The following OR51B5 variants were observed in gnomAD, a reference collection of about 807,000 sequenced individuals.
The protein encoded by OR51B5 is olfactory receptor 51B5.
For missense variants in OR51B5, 456 were observed against 374.6 expected, an observed-to-expected ratio of 1.22 and a Z score of -1.79; for synonymous variants, 186 against 144.8, an observed-to-expected ratio of 1.28 and a Z score of -2.04.
At chr11:5,397,445 A>G (rs7926869) in intron 1 of OR51B5, among the ~76,000 whole-genome samples, 54,438 of 150,792 alleles carry the variant, frequency 0.36, 9,617 homozygotes, top group South Asian at 0.41. Flanking sequence ...AAGACACATG[A>G]AAAAATGCTC....
intron 1 of OR51B5, among the ~76,000 whole-genome samples, chr11:5,417,660 A>G (rs1405165852): frequency 6.6e-6 from 1 of 151,950 alleles, no homozygotes; most frequent in Non-Finnish European, 1.5e-5. Context: ...GCAGCCAAAA[A>G]ACACATGAAA....
chr11:5,384,000 GA>G, intron 1 of OR51B5: 1 of 152,298 alleles, frequency 6.6e-6, no homozygotes, highest in Non-Finnish European at 1.5e-5. Context: ...GAAAATGAGG[GA>G]AAATGGGAAT....
At chr11:5,363,281 A>G (rs1347363685) in intron 1 of OR51B5, among the ~76,000 whole-genome samples, 2 of 116,540 alleles carry the variant, frequency 1.7e-5, no homozygotes, top group Non-Finnish European at 3.9e-5. Context: ...ACACACACAC[A>G]CACACCGGTG....
intron 1 of OR51B5, chr11:5,489,088 G>T (rs762866652): frequency 6.2e-7 from 1 of 1,613,928 alleles, no homozygotes; most frequent in African/African-American, 1.3e-5. Context: ...TAGGTATGTG[G>T]CTATCTGTAA....
At chr11:5,473,637 T>C (rs1851262354) in intron 1 of OR51B5, among the ~76,000 whole-genome samples, 1 of 152,194 alleles carries the variant, frequency 6.6e-6, no homozygotes, top group Admixed American at 6.5e-5. Context: ...CATTTTATCA[T>C]ACTTGAAAGC....
At chr11:5,503,469 G>T (rs1180461813) in intron 1 of OR51B5, among the ~76,000 whole-genome samples, 5 of 152,134 alleles carry the variant, frequency 3.3e-5, no homozygotes, top group Admixed American at 2.6e-4. Flanking sequence ...ATTTTAAAAG[G>T]AAAGACTGCC....
chr11:5,388,715 CGT>C (rs200737360), intron 1 of OR51B5, among the ~76,000 whole-genome samples: 3,569 of 151,798 alleles, frequency 0.024, 65 homozygotes, highest in Non-Finnish European at 0.036. Context: ...TTTATGTATA[CGT>C]CTCTCTTGCT....
chr11:5,485,916 G>C (rs947685418), intron 1 of OR51B5, among the ~76,000 whole-genome samples: 5 of 152,110 alleles, frequency 3.3e-5, no homozygotes, highest in African/African-American at 1.2e-4. Flanking sequence ...TTAAAGATGT[G>C]ATAGTTTTTT....
chr11:5,471,248 T>C (rs1027436292), intron 1 of OR51B5, among the ~76,000 whole-genome samples: 1 of 152,188 alleles, frequency 6.6e-6, no homozygotes, highest in South Asian at 2.1e-4. Flanking sequence ...CTGTGTTTCT[T>C]CTCATTTTAT....
chr11:5,432,506 A>G (rs921695076), intron 1 of OR51B5, among the ~76,000 whole-genome samples: 6 of 152,230 alleles, frequency 3.9e-5, no homozygotes, highest in African/African-American at 1.4e-4. Context: ...GTTGTAAGAA[A>G]AAATGAGAAA....
chr11:5,365,130 CT>C (rs1400388111), intron 1 of OR51B5, among the ~76,000 whole-genome samples: 7 of 152,190 alleles, frequency 4.6e-5, no homozygotes, highest in Non-Finnish European at 1.0e-4. Context: ...CTTATCACAA[CT>C]GCTAAATAAC....
intron 1 of OR51B5, among the ~76,000 whole-genome samples, chr11:5,412,648 A>G (rs560476576): frequency 4.6e-4 from 70 of 152,304 alleles, no homozygotes; most frequent in African/African-American, 1.6e-3. Flanking sequence ...TATCCTGCAC[A>G]TGGCTCAGAG....
intron 1 of OR51B5, among the ~76,000 whole-genome samples, chr11:5,483,920 C>T (rs1851464051): frequency 6.6e-6 from 1 of 152,100 alleles, no homozygotes; most frequent in African/African-American, 2.4e-5. Context: ...CATTCAGACC[C>T]TCCACTCTCT....
upstream of OR51B5, among the ~76,000 whole-genome samples, chr11:5,345,395 C>T (rs1848975907): frequency 1.3e-5 from 2 of 151,930 alleles, no homozygotes. Flanking sequence ...AAAACTTAAA[C>T]AGAGACAGAT....
chr11:5,451,346 T>A (rs1267632437), intron 1 of OR51B5, among the ~76,000 whole-genome samples: 1 of 152,250 alleles, frequency 6.6e-6, no homozygotes, highest in Non-Finnish European at 1.5e-5. Flanking sequence ...TTTCTGTTAC[T>A]TTTACATTGG....
At chr11:5,456,680 G>A (rs1416531655) in intron 1 of OR51B5, among the ~76,000 whole-genome samples, 4 of 152,062 alleles carry the variant, frequency 2.6e-5, no homozygotes, top group South Asian at 4.1e-4. Context: ...GCATGTCACC[G>A]GGGTTTGGTG....
At chr11:5,407,696 T>A (rs1216466870) in intron 1 of OR51B5, among the ~76,000 whole-genome samples, 4 of 151,692 alleles carry the variant, frequency 2.6e-5, no homozygotes, top group African/African-American at 9.7e-5. Flanking sequence ...TTTTATTATT[T>A]CCCCTGTTTA....
intron 1 of OR51B5, chr11:5,422,202 T>G: frequency 6.2e-7 from 1 of 1,604,654 alleles, no homozygotes; most frequent in South Asian, 1.1e-5. Context: ...TCATCAGTCA[T>G]GTCCCAGGTG....
intron 1 of OR51B5, among the ~76,000 whole-genome samples, chr11:5,426,489 G>A (rs2133764945): frequency 6.6e-6 from 1 of 152,196 alleles, no homozygotes; most frequent in Non-Finnish European, 1.5e-5. Flanking sequence ...CCGGGGAAGG[G>A]GGGAGTTGCT....
Sources: gnomAD v4.1 joint callset for allele counts (sites outside exome capture counted in the v4.1 genomes callset) on GRCh38, gnomAD v4.1.1 for gene constraint, MANE v1.5 for transcripts, NCBI Gene and HGNC (gene_info 2026-07-23, HGNC 2026-07-21) for gene names.